Variants in NRROS observed in about 807,000 individuals in gnomAD.
NRROS encodes transforming growth factor beta activator LRRC33.
In NRROS, 6 loss-of-function variants were observed where a neutral mutation model predicts 12.0. The ratio of observed to expected loss-of-function variants is 0.50; its 90% CI spans 0.27 to 0.98. The LOEUF is 0.98. Ranked by LOEUF, NRROS falls within the 50% of genes least tolerant of loss-of-function variation. The probability of loss-of-function intolerance (pLI) is 0.11; values close to 1 mark genes in which losing one functional copy is unlikely to be tolerated. For missense variants in NRROS, 857 were observed against 888.2 expected (o/e 0.96, Z 0.45); for synonymous variants, 462 against 410.2 (o/e 1.13, Z -1.53).
intron 1 of NRROS, among the ~76,000 whole-genome samples, chr3:196,641,981 G>A (rs1577626545): frequency 1.3e-5 from 2 of 152,308 alleles, no homozygotes; most frequent in African/African-American, 4.8e-5. Flanking sequence ...GCACATCAGT[G>A]ACAAACATTT....
intron 1 of NRROS, 43 bp downstream of exon 1, chr3:196,639,918 G>C (rs957052618): frequency 6.6e-6 from 1 of 152,394 alleles, no homozygotes; most frequent in Non-Finnish European, 1.5e-5. Flanking sequence ...GCACAGCCGG[G>C]GCCCTTCTCC....
At chr3:196,657,567 T>C (rs1393557613) in intron 2 of NRROS, among the ~76,000 whole-genome samples, 2 of 151,514 alleles carry the variant, frequency 1.3e-5, no homozygotes, top group Non-Finnish European at 2.9e-5. Context: ...ATTAGCCCGG[T>C]GTGGTGGTGT....
chr3:196,658,124 C>A (rs1360900340), intron 2 of NRROS, among the ~76,000 whole-genome samples: 1 of 152,218 alleles, frequency 6.6e-6, no homozygotes, highest in Admixed American at 6.5e-5. Flanking sequence ...CTGTGCTATT[C>A]ATGAGATGAA....
At chr3:196,640,067 G>T (rs887210544) in intron 1 of NRROS, among the ~76,000 whole-genome samples, 192 bp downstream of exon 1, 39 of 152,254 alleles carry the variant, frequency 2.6e-4, no homozygotes, top group Non-Finnish European at 1.0e-4. Context: ...GCAGCTCTGG[G>T]TGGAGGTGGA....
At chr3:196,653,140 C>T (rs758564432) in intron 1 of NRROS, among the ~76,000 whole-genome samples, 2 of 152,110 alleles carry the variant, frequency 1.3e-5, no homozygotes, top group Non-Finnish European at 2.9e-5. Flanking sequence ...TTCCCTGTGC[C>T]GGCCACAAGG....
intron 2 of NRROS, among the ~76,000 whole-genome samples, chr3:196,658,788 G>A (rs572039742): frequency 2.0e-5 from 3 of 152,274 alleles, no homozygotes; most frequent in Non-Finnish European, 2.9e-5. Context: ...TCAACATGGT[G>A]AAACCCCGTC....
At chr3:196,641,990 T>A (rs1367452860) in intron 1 of NRROS, among the ~76,000 whole-genome samples, 1 of 152,224 alleles carries the variant, frequency 6.6e-6, no homozygotes, top group African/African-American at 2.4e-5. Context: ...TGACAAACAT[T>A]TGTCATGTTT....
At chr3:196,655,713 C>T (rs112430791) in intron 2 of NRROS, among the ~76,000 whole-genome samples, 5 of 152,236 alleles carry the variant, frequency 3.3e-5, no homozygotes, top group African/African-American at 1.2e-4. Context: ...CTCTGCAGAG[C>T]GGCAGCCCGG....
chr3:196,649,183 C>T (rs1737365071), intron 1 of NRROS, among the ~76,000 whole-genome samples: 2 of 152,214 alleles, frequency 1.3e-5, no homozygotes, highest in African/African-American at 4.8e-5. Context: ...CTTCCCAGTG[C>T]TTCCTGGAGA....
At chr3:196,644,855 A>G (rs1251102114) in intron 1 of NRROS, among the ~76,000 whole-genome samples, 1 of 151,246 alleles carries the variant, frequency 6.6e-6, no homozygotes, top group African/African-American at 2.4e-5. Flanking sequence ...CGGTAGCCCT[A>G]GGTGGGAGGA....
chr3:196,660,083 A>C lies in NRROS; in HGVS notation c.440A>C (p.Asp147Ala). 3.7e-6 allele frequency: 6 copies of C among 1,613,228 alleles called. No homozygotes were observed. The highest frequency in any genetic ancestry group is 5.1e-6 in the Non-Finnish European group (6 of 1,179,938). The change falls in exon 3 of 3, where the codon GAC becomes GCC. Residue 147 changes from aspartate to alanine, a missense_variant. Asp to Ala is a moderately radical substitution (Grantham distance 126, BLOSUM62 -2). Transcript: ENST00000328557. The surrounding 1 kb of genome is among the most constrained non-coding windows in gnomAD (Gnocchi z 7.7). Reference protein sequence around the residue: ...LDLSGNALTEDMAALMLQNLS... With the variant: ...LDLSGNALTEAMAALMLQNLS... ...TTGTCAGGAAACGCCCTGACGGAGG[A>C]CATGGCAGCCCTCATGCTCCAGAAC...
chr3:196,650,433 T>C (rs773276101), intron 1 of NRROS, among the ~76,000 whole-genome samples: 1 of 152,030 alleles, frequency 6.6e-6, no homozygotes, highest in African/African-American at 2.4e-5. Flanking sequence ...AGTGAGCCAC[T>C]GCGCCCGGCC....
intron 1 of NRROS, among the ~76,000 whole-genome samples, chr3:196,646,972 T>G (rs1010944235): frequency 2.0e-4 from 31 of 152,232 alleles, no homozygotes; most frequent in African/African-American, 7.2e-4. Flanking sequence ...TTCCTTTCCT[T>G]GATATTATTT....
intron 1 of NRROS, among the ~76,000 whole-genome samples, chr3:196,649,254 A>C (rs1007061494): frequency 6.6e-6 from 1 of 152,128 alleles, no homozygotes; most frequent in Non-Finnish European, 1.5e-5. Flanking sequence ...ATCTGTTCTC[A>C]GTGGTCTGTG....
Position 196,661,764 on chromosome 3 carries a change from C to G in NRROS, c.*42C>G, listed in dbSNP as rs1176910954. On this transcript the variant is annotated 3_prime_UTR_variant, in exon 3 of 3. Transcript: ENST00000328557. ...GACTCGAAATTCGGTCCGCACACAA[C>G]AGGACACTTTCTCTGCCAGCTTTCA... 4.0e-6 allele frequency: 6 copies of G among 1,498,162 alleles called. No individual in the cohort carries two copies. The highest frequency in any genetic ancestry group is 5.4e-6 in the Non-Finnish European group (6 of 1,115,620). 92.8% of individuals were successfully genotyped at this position (1,498,162 alleles called of 1,614,324 possible).
chr3:196,660,628 G>A lies in NRROS; in HGVS notation c.985G>A (p.Asp329Asn). ...WEEFSSSDLA[D>N]LRFLDMSQNQ... ...AGAATTCTCCTCCAGCGACCTCGCA[G>A]ATCTCCGCTTCCTGGACATGAGCCA... The change falls in exon 3 of 3, where the codon GAT becomes AAT. Residue 329 changes from aspartate to asparagine, a missense_variant. By Grantham distance (23) the Asp-to-Asn change is conservative. Coordinates refer to ENST00000328557, the MANE Select transcript of NRROS (RefSeq NM_198565.3). The surrounding 1 kb of genome is among the most constrained non-coding windows in gnomAD (Gnocchi z 7.7). 1.9e-6 allele frequency: 3 copies of A among 1,614,252 alleles called. No homozygotes were observed. Among genetic ancestry groups the A allele is most frequent in the Non-Finnish European group, 2.5e-6 (3 of 1,180,040 alleles).
intron 1 of NRROS, among the ~76,000 whole-genome samples, chr3:196,641,264 A>C (rs1015122215): frequency 1.3e-5 from 2 of 151,974 alleles, no homozygotes; most frequent in Non-Finnish European, 1.5e-5. Context: ...CCCAGACTGG[A>C]GTTCTGTGGC....
intron 1 of NRROS, among the ~76,000 whole-genome samples, chr3:196,640,877 T>C (rs983060534): frequency 3.9e-5 from 6 of 152,174 alleles, no homozygotes; most frequent in Non-Finnish European, 8.8e-5. Context: ...TTCTTCATGA[T>C]GGGCACAGCC....
chr3:196,655,406 ATGCCTGTAATT>A (rs1737516811), intron 2 of NRROS, among the ~76,000 whole-genome samples: 1 of 151,726 alleles, frequency 6.6e-6, no homozygotes, highest in Non-Finnish European at 1.5e-5. Flanking sequence ...GTGGTGGTGC[ATGCCTGTAATT>A]CCAGCTACTT....
Sources: allele counts gnomAD v4.1 joint callset (sites outside exome capture counted in the v4.1 genomes callset), GRCh38; gene constraint gnomAD v4.1.1; non-coding constraint Gnocchi (gnomAD v3.1); transcripts MANE v1.5; gene names NCBI Gene and HGNC (gene_info 2026-07-23, HGNC 2026-07-21).